DAB1: variants seen among roughly 807,000 people sequenced by gnomAD.
DAB1 encodes disabled homolog 1.
In DAB1, 15 loss-of-function variants were observed where a neutral mutation model predicts 64.6. That is an observed-to-expected ratio of 0.23 (90% CI 0.16 to 0.36). DAB1 has a LOEUF of 0.36. Ranked by LOEUF, DAB1 falls within the 10% of genes least tolerant of loss-of-function variation. DAB1 has a pLI of 1.00. For synonymous variants in DAB1, 235 were observed against 251.9 expected (o/e 0.93, Z 0.64); for missense variants, 596 against 706.7 (o/e 0.84, Z 1.78).
chr1:58,533,876 A>C, intron 1 of DAB1: 1 of 796,462 alleles, frequency 1.3e-6, no homozygotes, highest in Non-Finnish European at 2.2e-6. Flanking sequence ...CCTGAAAAAA[A>C]TCAGTTCTTT....
intron 3 of DAB1, among the ~76,000 whole-genome samples, chr1:58,504,034 T>A (rs1645948648): frequency 6.6e-6 from 1 of 152,190 alleles, no homozygotes; most frequent in Non-Finnish European, 1.5e-5. Flanking sequence ...CCTACCAGGA[T>A]TATGAGAGTC....
chr1:57,634,868 C>A (rs931846831), intron 7 of DAB1, among the ~76,000 whole-genome samples: 7 of 152,086 alleles, frequency 4.6e-5, no homozygotes, highest in African/African-American at 1.7e-4. Flanking sequence ...AGAGGTATGG[C>A]AATGGGGTGG....
At chr1:57,346,686 T>C (rs952845084) in intron 1 of DAB1, among the ~76,000 whole-genome samples, 4 of 152,220 alleles carry the variant, frequency 2.6e-5, no homozygotes, top group Admixed American at 1.3e-4. Flanking sequence ...GTCTAGAGTA[T>C]AGAAGCTCCT....
intron 4 of DAB1, among the ~76,000 whole-genome samples, chr1:58,340,858 T>C (rs1569661045): frequency 6.6e-6 from 1 of 152,206 alleles, no homozygotes; most frequent in Non-Finnish European, 1.5e-5. Flanking sequence ...CTCAGCATTG[T>C]CTTCCATAAG....
rs151229645 is a variant in DAB1 at position 57,070,563 on chromosome 1, C to T, written c.597+460G>A. ...TAATTGGAGGGTCAGCTTGCCCCATCGGGGGTCAGAGAGTCCTCCTCATAG... is the reference window on the plus strand; with the variant it reads ...TAATTGGAGGGTCAGCTTGCCCCATTGGGGGTCAGAGAGTCCTCCTCATAG... On this transcript the variant is annotated intron_variant, in intron 7 of 14. Coordinates refer to ENST00000371236, the MANE Select transcript of DAB1 (RefSeq NM_001365792.1). 8.5e-3 allele frequency among the ~76,000 whole-genome samples: 1,298 copies of T among 152,302 alleles called. 17 individuals carry two copies. Among genetic ancestry groups the T allele is most frequent in the African/African-American group, 0.03 (1,237 of 41,560 alleles).
chr1:58,267,607 GA>G (rs1419418708), intron 4 of DAB1, among the ~76,000 whole-genome samples: 1 of 152,166 alleles, frequency 6.6e-6, no homozygotes, highest in Non-Finnish European at 1.5e-5. Flanking sequence ...GGGGTGGTGT[GA>G]GGTCATCCTT....
intron 5 of DAB1, among the ~76,000 whole-genome samples, chr1:57,922,592 A>G (rs570350923): frequency 6.6e-6 from 1 of 152,202 alleles, no homozygotes; most frequent in African/African-American, 2.4e-5. Flanking sequence ...AAGTTGGAAA[A>G]TGCACAAATG....
chr1:57,688,237 C>CA (rs954264180), intron 6 of DAB1, among the ~76,000 whole-genome samples: 4 of 151,720 alleles, frequency 2.6e-5, no homozygotes, highest in African/African-American at 4.8e-5. Context: ...TCTCCCCCTC[C>CA]AAAAAAATGG....
intron 2 of DAB1, among the ~76,000 whole-genome samples, chr1:57,255,481 G>A (rs1669692765): frequency 1.3e-5 from 2 of 151,980 alleles, no homozygotes; most frequent in East Asian, 1.9e-4. Context: ...GGGCATCATG[G>A]CAAAACCCTG....
intron 1 of DAB1, among the ~76,000 whole-genome samples, chr1:57,328,688 T>C (rs1676390573): frequency 6.6e-6 from 1 of 152,210 alleles, no homozygotes; most frequent in African/African-American, 2.4e-5. Context: ...GATTCAATTC[T>C]AGGTCTTTTG....
intron 3 of DAB1, among the ~76,000 whole-genome samples, chr1:58,460,027 A>G (rs896616129): frequency 1.3e-5 from 2 of 152,224 alleles, no homozygotes; most frequent in African/African-American, 4.8e-5. Context: ...CTGGACTAAG[A>G]GAGGATTTAT....
chr1:57,980,136 GAATGCTATTTAAAGTTCAT>G (rs1414875497), intron 5 of DAB1, among the ~76,000 whole-genome samples: 4 of 152,010 alleles, frequency 2.6e-5, no homozygotes, highest in Admixed American at 6.6e-5. Context: ...AAACTGCTTG[GAATGCTATTTAAAGTTCAT>G]AATGCTATTT....
chr1:57,233,089 C>A (rs1557990555), intron 2 of DAB1, among the ~76,000 whole-genome samples: 1 of 151,966 alleles, frequency 6.6e-6, no homozygotes, highest in Non-Finnish European at 1.5e-5. Context: ...ACCGGAAAGA[C>A]TCTGGCATCC....
intron 1 of DAB1, among the ~76,000 whole-genome samples, chr1:57,339,938 C>T (rs927568689): frequency 1.3e-5 from 2 of 151,966 alleles, no homozygotes; most frequent in Non-Finnish European, 2.9e-5. Context: ...AGGTAGAGCT[C>T]GGGAGGTTTG....
intron 3 of DAB1, among the ~76,000 whole-genome samples, chr1:58,409,918 A>G (rs78990086): frequency 0.016 from 2,488 of 152,324 alleles, 32 homozygotes; most frequent in Non-Finnish European, 0.024. Context: ...GGAAAATTAC[A>G]GGCAGCAAAG....
chr1:57,913,174 T>C (rs1273397552), intron 5 of DAB1, among the ~76,000 whole-genome samples: 1 of 152,118 alleles, frequency 6.6e-6, no homozygotes, highest in Admixed American at 6.5e-5. Context: ...GGAGGCATCA[T>C]GCTACCTGAC....
At position 57,918,625 on chromosome 1, in the gene DAB1, C is replaced by T. The variant is rs377168340; in HGVS notation, n.388-34463G>A. ...AGATCACAAAGTCAGGAGATACAGA[C>T]CATCCTGGCTAACACAGTGAAACCC... On this transcript the variant is annotated intron_variant and non_coding_transcript_variant, in intron 5 of 20. Transcript: ENST00000485760. Among the ~76,000 whole-genome samples, 32 of 152,154 alleles carry T rather than the reference C, an allele frequency of 2.1e-4. 2 individuals are homozygous for T. The highest frequency in any genetic ancestry group is 1.7e-3 in the East Asian group (9 of 5,160).
chr1:58,191,841 A>C (rs1014372088), intron 4 of DAB1, among the ~76,000 whole-genome samples: 3 of 152,186 alleles, frequency 2.0e-5, no homozygotes, highest in African/African-American at 7.2e-5. Context: ...GGACCTCATT[A>C]AAGTTTATTA....
intron 7 of DAB1, among the ~76,000 whole-genome samples, chr1:57,435,024 T>G (rs1222877011): frequency 6.7e-6 from 1 of 149,092 alleles, no homozygotes; most frequent in African/African-American, 2.5e-5. Context: ...TAAGCTTGAC[T>G]CTCTTTTTCT....
Sources: gnomAD v4.1 joint callset for allele counts (sites outside exome capture counted in the v4.1 genomes callset) on GRCh38, gnomAD v4.1.1 for gene constraint, MANE v1.5 for transcripts, NCBI Gene and HGNC (gene_info 2026-07-23, HGNC 2026-07-21) for gene names.